RFPL1: variants seen among roughly 807,000 people sequenced by gnomAD.
RFPL1 encodes the protein ret finger protein-like 1.
In RFPL1, 6 loss-of-function variants were observed where a neutral mutation model predicts 9.6. The observed-to-expected ratio is 0.62, with a 90% confidence interval of 0.34 to 1.23. RFPL1 has a LOEUF of 1.23. Among genes scored for constraint, RFPL1 ranks in the 50% most tolerant of loss-of-function variants. The pLI, the probability that RFPL1 is intolerant of heterozygous loss-of-function variation, is 0.03. For synonymous variants in RFPL1, 145 were observed against 149.4 expected, an observed-to-expected ratio of 0.97 and a Z score of 0.22; for missense variants, 352 against 398.4, an observed-to-expected ratio of 0.88 and a Z score of 0.99.
the RFPL1 span, among the ~76,000 whole-genome samples, chr22:29,419,811 A>G: frequency 6.6e-6 from 1 of 151,824 alleles, no homozygotes; most frequent in African/African-American, 2.4e-5. Flanking sequence ...CAAAAAAAAA[A>G]AAAAAGAAAA....
chr22:29,439,295 C>G lies in RFPL1; in HGVS notation c.373+131C>G. 6.2e-6 allele frequency: 8 copies of G among 1,295,326 alleles called. No individual in the cohort carries two copies. In the South Asian group the frequency reaches 1.2e-4, roughly 19 times the overall value. 80.2% of individuals were successfully genotyped at this position (1,295,326 alleles called of 1,614,324 possible). The stretch of plus-strand genomic sequence containing the variant: ...TAAAATTGAGATGCTTCTTCATCAT[C>G]AGATTCTCAGCCCTGACAACATACA... On this transcript the variant is annotated intron_variant, in intron 1 of 1. Transcript: ENST00000354373.
the RFPL1 span, among the ~76,000 whole-genome samples, chr22:29,421,581 C>T: frequency 1.0e-3 from 158 of 150,822 alleles, no homozygotes; most frequent in Admixed American, 1.3e-3. Context: ...AGGCTAGACT[C>T]GAACTCCTGG....
At chr22:29,433,802 C>T (rs373895796), upstream of RFPL1, among the ~76,000 whole-genome samples, 12 of 152,078 alleles carry the variant, frequency 7.9e-5, no homozygotes, top group African/African-American at 2.7e-4. Flanking sequence ...GGCTATGGGG[C>T]CCTTGAAACA....
chr22:29,404,640 CTTTAG>C, the RFPL1 span, among the ~76,000 whole-genome samples: 1 of 152,094 alleles, frequency 6.6e-6, no homozygotes, highest in Non-Finnish European at 1.5e-5. Flanking sequence ...AAAAAATTTC[CTTTAG>C]TTTATTAAAG....
the RFPL1 span, among the ~76,000 whole-genome samples, chr22:29,419,677 C>A: frequency 6.6e-6 from 1 of 151,608 alleles, no homozygotes; most frequent in East Asian, 1.9e-4. Context: ...TTGGTGCAAG[C>A]CTGTAATCCC....
chr22:29,441,481 G>C, intron 1 of RFPL1, 61 bp from the exon 2 acceptor site: 1 of 1,536,738 alleles, frequency 6.5e-7, no homozygotes, highest in Non-Finnish European at 8.8e-7. Context: ...CTTTGAAGTA[G>C]AGGAGAGGCA....
chr22:29,422,709 C>G, the RFPL1 span, among the ~76,000 whole-genome samples: 1 of 152,052 alleles, frequency 6.6e-6, no homozygotes, highest in Non-Finnish European at 1.5e-5. Context: ...CGCCACTGCA[C>G]TCCAGCTTGG....
chr22:29,428,186 G>C, the RFPL1 span, among the ~76,000 whole-genome samples: 4 of 152,100 alleles, frequency 2.6e-5, no homozygotes, highest in African/African-American at 9.7e-5. Flanking sequence ...AAAAACGAAA[G>C]GTTCACCAAA....
chr22:29,429,270 G>T, the RFPL1 span, among the ~76,000 whole-genome samples: 2 of 151,998 alleles, frequency 1.3e-5, no homozygotes, highest in Non-Finnish European at 2.9e-5. Flanking sequence ...TGCCCGGGCT[G>T]GTCCTGTACT....
At chr22:29,432,636 A>T in the RFPL1 span, among the ~76,000 whole-genome samples, 1 of 152,182 alleles carries the variant, frequency 6.6e-6, no homozygotes, top group Non-Finnish European at 1.5e-5. Flanking sequence ...CCCAATTCCA[A>T]TAAGCCCCAT....
At chr22:29,427,759 C>G in the RFPL1 span, among the ~76,000 whole-genome samples, 1 of 152,188 alleles carries the variant, frequency 6.6e-6, no homozygotes, top group Admixed American at 6.5e-5. Flanking sequence ...GCAACTCTAT[C>G]TTGGGTGCTG....
the RFPL1 span, among the ~76,000 whole-genome samples, chr22:29,401,472 G>A: frequency 2.0e-4 from 30 of 152,238 alleles, no homozygotes; most frequent in African/African-American, 4.8e-4. Flanking sequence ...CCTCTTTCTC[G>A]TCCTACATTC....
chr22:29,439,293 A>G (rs1406491859), intron 1 of RFPL1, 129 bp downstream of exon 1: 30 of 1,318,840 alleles, frequency 2.3e-5, no homozygotes, highest in Non-Finnish European at 2.9e-5. Flanking sequence ...CTTCTTCATC[A>G]TCAGATTCTC....
At chr22:29,440,639 C>T (rs1300240347) in intron 1 of RFPL1, 1 of 152,046 alleles carries the variant, frequency 6.6e-6, no homozygotes, top group Non-Finnish European at 1.5e-5. Context: ...GTGGCATGAT[C>T]TCTGCTCATT....
At chr22:29,407,119 G>GAC in the RFPL1 span, among the ~76,000 whole-genome samples, 6 of 148,636 alleles carry the variant, frequency 4.0e-5, no homozygotes, top group African/African-American at 1.2e-4. Flanking sequence ...GTGTGTGTGA[G>GAC]AAAAGGTCTC....
the RFPL1 span, among the ~76,000 whole-genome samples, chr22:29,412,177 G>A: frequency 6.6e-6 from 1 of 152,190 alleles, no homozygotes; most frequent in Admixed American, 6.5e-5. Flanking sequence ...CAGGACACGA[G>A]TCAGTAGGGA....
chr22:29,400,945 T>G, the RFPL1 span, among the ~76,000 whole-genome samples: 2 of 152,224 alleles, frequency 1.3e-5, no homozygotes, highest in African/African-American at 2.4e-5. Context: ...ACCACCTCCA[T>G]TCCGATGAGA....
At chr22:29,441,419 A>G in intron 1 of RFPL1, 123 bp from the exon 2 acceptor site, 1 of 1,233,266 alleles carries the variant, frequency 8.1e-7, no homozygotes, top group East Asian at 2.5e-5. Context: ...AAAAGTTTTG[A>G]TTTTGGGGGA....
At chr22:29,423,780 C>T in the RFPL1 span, among the ~76,000 whole-genome samples, 3 of 152,200 alleles carry the variant, frequency 2.0e-5, no homozygotes, top group East Asian at 3.8e-4. Flanking sequence ...GCTGCTAAAA[C>T]AGTAACATGT....
Sources: gnomAD v4.1 joint callset for allele counts (sites outside exome capture counted in the v4.1 genomes callset) on GRCh38, gnomAD v4.1.1 for gene constraint, MANE v1.5 for transcripts, NCBI Gene and HGNC (gene_info 2026-07-23, HGNC 2026-07-21) for gene names.